Variants in PLEKHM3 observed in about 807,000 individuals in gnomAD.
The protein encoded by PLEKHM3 is pleckstrin homology domain containing M3, also known as pleckstrin homology domain-containing family M member 3.
Under a neutral mutation model 81.8 loss-of-function variants are expected in PLEKHM3, and 45 were observed. The ratio of observed to expected loss-of-function variants is 0.55; its 90% CI spans 0.43 to 0.71. The LOEUF is 0.71. PLEKHM3 is among the 30% of genes least tolerant of loss of function. The probability of loss-of-function intolerance (pLI) is 0.00; values close to 1 mark genes in which losing one functional copy is unlikely to be tolerated. For missense variants in PLEKHM3, 788 were observed against 924.3 expected (o/e 0.85, Z 1.91); for synonymous variants, 352 against 356.4 (o/e 0.99, Z 0.14).
At chr2:207,850,970 C>G (rs531789692) in intron 7 of PLEKHM3, among the ~76,000 whole-genome samples, 1 of 151,784 alleles carries the variant, frequency 6.6e-6, no homozygotes, top group African/African-American at 2.4e-5. Flanking sequence ...CTGACCAACA[C>G]GATGAAACCC....
intron 6 of PLEKHM3, among the ~76,000 whole-genome samples, chr2:207,878,628 T>C (rs1044393786): frequency 3.3e-5 from 5 of 152,090 alleles, no homozygotes; most frequent in Admixed American, 2.0e-4. Flanking sequence ...AACAAAACTA[T>C]TATTTCTGTT....
At chr2:207,961,681 G>A (rs1014185794) in intron 3 of PLEKHM3, among the ~76,000 whole-genome samples, 17 of 152,116 alleles carry the variant, frequency 1.1e-4, no homozygotes, top group Admixed American at 3.9e-4. Context: ...CTTGCCCATC[G>A]TCCCACCACT....
At chr2:208,024,252 C>T (rs925048387) in intron 1 of PLEKHM3, among the ~76,000 whole-genome samples, 1 of 151,920 alleles carries the variant, frequency 6.6e-6, no homozygotes, top group South Asian at 2.1e-4. Context: ...GAAACAGAAG[C>T]GCTAAGTAAA....
At chr2:207,926,034 C>T (rs915777211) in intron 5 of PLEKHM3, among the ~76,000 whole-genome samples, 1 of 151,972 alleles carries the variant, frequency 6.6e-6, no homozygotes, top group Non-Finnish European at 1.5e-5. Context: ...CCTCGAATGC[C>T]TAGGCCCAGG....
At position 207,957,685 on chromosome 2, in the gene PLEKHM3, G is replaced by A. The variant is rs958632873; in HGVS notation, c.1547-11173C>T. Among the ~76,000 whole-genome samples, 10 of 152,010 alleles carry A rather than the reference G, an allele frequency of 6.6e-5. No homozygotes were observed. The East Asian group carries it at 1.2e-3, about 18-fold the overall frequency. On this transcript the variant is annotated intron_variant, in intron 3 of 7. Transcript: ENST00000427836. ...TGCACTCCAGCCTAGGTGACAGAGC[G>A]AGACTCTGTCTCAAAAAACAAAACA...
chr2:207,871,636 G>C (rs956517147), intron 6 of PLEKHM3, among the ~76,000 whole-genome samples: 1 of 152,098 alleles, frequency 6.6e-6, no homozygotes, highest in Non-Finnish European at 1.5e-5. Flanking sequence ...ATATGGGATG[G>C]GGTCTACTTC....
In PLEKHM3 at chr2:208,001,565, A is replaced by G. The variant is rs1173472738; in HGVS notation, c.75T>C (p.Ser25=). Residue 25 remains serine, a synonymous_variant, in exon 2 of 8, where the codon AGT becomes AGC. Coordinates refer to ENST00000427836, the MANE Select transcript of PLEKHM3 (RefSeq NM_001080475.3). Reference sequence around the variant, plus strand: ...CCTGCTGCACAGCCTTTTCTAGATTACTATCCAAAGTACTAAAGAATTCCT... The same window carrying G: ...CCTGCTGCACAGCCTTTTCTAGATTGCTATCCAAAGTACTAAAGAATTCCT... ...VTEEFFSTLD[S]NLEKAVQQAE... The G allele has an allele frequency of 1.5e-5, 25 of 1,614,064 alleles. No individual in the cohort carries two copies. The highest frequency in any genetic ancestry group is 2.0e-5 in the Non-Finnish European group (24 of 1,180,050).
chr2:207,887,768 A>G (rs1362658262), intron 6 of PLEKHM3, among the ~76,000 whole-genome samples: 1 of 152,204 alleles, frequency 6.6e-6, no homozygotes, highest in East Asian at 1.9e-4. Flanking sequence ...CCCTGGAACT[A>G]TATTTAGTAC....
At chr2:207,996,904 A>C (rs757478461) in intron 2 of PLEKHM3, among the ~76,000 whole-genome samples, 1 of 152,202 alleles carries the variant, frequency 6.6e-6, no homozygotes, top group South Asian at 2.1e-4. Flanking sequence ...TTAAGTGTTC[A>C]AGTGTACTGA....
At chr2:207,836,637 A>G (rs1158149776) in intron 7 of PLEKHM3, among the ~76,000 whole-genome samples, 1 of 152,180 alleles carries the variant, frequency 6.6e-6, no homozygotes, top group Admixed American at 6.5e-5. Context: ...TGTGAGACCA[A>G]TTAGAGACAG....
chr2:207,895,477 C>T lies in PLEKHM3; in HGVS notation c.1950+13037G>A, dbSNP rs117386460. ...TGCCTAGCCTACTTTCTCTCTGTGC[C>T]CTTGACCTGTGCTCTAGCCAAGAAT... On this transcript the variant is annotated intron_variant, in intron 6 of 7. Transcript: ENST00000427836. Among the ~76,000 whole-genome samples, 25 of 152,314 alleles carry T rather than the reference C, an allele frequency of 1.6e-4. No individual in the cohort carries two copies. In the East Asian group the frequency reaches 4.2e-3, roughly 26 times the overall value.
chr2:207,859,076 G>A lies in PLEKHM3; in HGVS notation c.2108+2029C>T, dbSNP rs755676830. On this transcript the variant is annotated intron_variant, in intron 7 of 7. Transcript: ENST00000427836. ...TGTGCTTTGTGTCTGGCTTCTTTCC[G>A]TTAGCATGTTTTCAATGTTAATACA... Among the ~76,000 whole-genome samples, 4 of 150,040 alleles carry A rather than the reference G, an allele frequency of 2.7e-5. 1 individual carries two copies. The South Asian group carries it at 6.3e-4, about 24-fold the overall frequency.
chr2:207,958,916 AAAT>A lies in PLEKHM3; in HGVS notation c.1547-12407_1547-12405del, dbSNP rs931276748. Among the ~76,000 whole-genome samples, 303 of 151,930 alleles carry A rather than the reference AAAT, an allele frequency of 2.0e-3. 4 individuals carry two copies. The highest frequency in any genetic ancestry group is 7.0e-3 in the African/African-American group (291 of 41,450). On this transcript the variant is annotated intron_variant, in intron 3 of 7. Transcript: ENST00000427836. ...CAGAGTGAGTGAGACTCCATCTCAA[AAAT>A]AATAATAATAATAATAAAATAAAAT...
intron 6 of PLEKHM3, among the ~76,000 whole-genome samples, chr2:207,880,332 A>G (rs1020349715): frequency 6.6e-6 from 1 of 150,530 alleles, no homozygotes; most frequent in Non-Finnish European, 1.5e-5. Flanking sequence ...ACTTGAACCC[A>G]GGGGGCGAAG....
Position 207,906,342 on chromosome 2 carries a change from TATGTA to T in PLEKHM3, c.1950+2167_1950+2171del, listed in dbSNP as rs368601025. On this transcript the variant is annotated intron_variant, in intron 6 of 7. Coordinates refer to ENST00000427836, the MANE Select transcript of PLEKHM3 (RefSeq NM_001080475.3). ...AGCCAGCAGACCACTGCTGCTTGAC[TATGTA>T]GTAAAGGTCAGGCAGGACCAAAGGA... 3.0e-3 allele frequency among the ~76,000 whole-genome samples: 450 copies of T among 152,288 alleles called. 6 individuals carry two copies. Among genetic ancestry groups the T allele is most frequent in the African/African-American group, 0.01 (429 of 41,538 alleles).
At chr2:207,872,955 C>T (rs560318159) in intron 6 of PLEKHM3, among the ~76,000 whole-genome samples, 6 of 152,032 alleles carry the variant, frequency 3.9e-5, no homozygotes, top group South Asian at 4.1e-4. Context: ...CCTGTATGTA[C>T]GTATGTGGGA....
rs1192967647 is a variant in PLEKHM3, at chr2:207,821,592, A to T, written c.*6727T>A. 6.6e-6 allele frequency: 1 copy of T among 152,206 alleles called. No homozygotes were observed. Among genetic ancestry groups the T allele is most frequent in the Non-Finnish European group, 1.5e-5 (1 of 68,040 alleles). The allele number at this position is 152,206 out of a possible 1,614,324, so 9.4% of individuals were successfully genotyped here. ...ACAGCCCAGACCCAAAATTTTAGTC[A>T]TTTCTGTACTGTGTGAGCAGATATA... On this transcript the variant is annotated 3_prime_UTR_variant, in exon 8 of 8. Coordinates refer to ENST00000427836, the MANE Select transcript of PLEKHM3 (RefSeq NM_001080475.3).
intron 2 of PLEKHM3, among the ~76,000 whole-genome samples, chr2:207,980,886 T>C (rs1315587823): frequency 1.3e-5 from 2 of 152,030 alleles, no homozygotes; most frequent in Non-Finnish European, 2.9e-5. Context: ...CCCAGCACTT[T>C]GGGAGGCTCA....
intron 5 of PLEKHM3, among the ~76,000 whole-genome samples, chr2:207,929,125 A>C (rs903152850): frequency 1.3e-5 from 2 of 152,220 alleles, no homozygotes; most frequent in African/African-American, 4.8e-5. Flanking sequence ...TATAATGGTT[A>C]TGAACAAGTC....
Sources: allele counts gnomAD v4.1 joint callset (sites outside exome capture counted in the v4.1 genomes callset), GRCh38; gene constraint gnomAD v4.1.1; transcripts MANE v1.5; gene names NCBI Gene and HGNC (gene_info 2026-07-23, HGNC 2026-07-21).